The following ATXN2 variants were observed in gnomAD, a reference collection of about 807,000 sequenced individuals.
The protein encoded by ATXN2 is ataxin 2, also known as ataxin-2.
Under a neutral mutation model 138.6 loss-of-function variants are expected in ATXN2, and 37 were observed. The observed-to-expected ratio is 0.27, with a 90% confidence interval of 0.21 to 0.35. The LOEUF (loss-of-function observed/expected upper bound fraction) is 0.35, where lower values mean the gene tolerates loss of function less well. ATXN2 is among the 10% of genes least tolerant of loss of function. The pLI is 1.00. For missense variants in ATXN2, 1,216 were observed against 1,480.3 expected (o/e 0.82, Z 2.93); for synonymous variants, 549 against 543.7 (o/e 1.01, Z -0.13).
rs1053839039 is a variant in ATXN2 at position 111,538,993 on chromosome 12, T to C, written c.571+13287A>G. 5.3e-4 allele frequency among the ~76,000 whole-genome samples: 79 copies of C among 150,310 alleles called. 6 individuals carry two copies. The highest frequency in any genetic ancestry group is 3.4e-3 in the Middle Eastern group (1 of 290). Reference sequence around the variant, plus strand: ...GTGACAGATTCCACGTACGTAATACTAGATTGCTGATTCCCACACTATCTC... The same window carrying C: ...GTGACAGATTCCACGTACGTAATACCAGATTGCTGATTCCCACACTATCTC... On this transcript the variant is annotated intron_variant, in intron 5 of 24. Transcript: ENST00000673436.
intron 21 of ATXN2, among the ~76,000 whole-genome samples, chr12:111,460,170 C>T (rs1875462671): frequency 6.6e-6 from 1 of 152,182 alleles, no homozygotes; most frequent in South Asian, 2.1e-4. Flanking sequence ...CAACCTCTGC[C>T]TCCCGGGTTC....
chr12:111,470,537 G>A, intron 19 of ATXN2, 21 bp downstream of exon 19: 1 of 1,611,254 alleles, frequency 6.2e-7, no homozygotes, highest in Middle Eastern at 1.7e-4. Flanking sequence ...AAAATTAAGA[G>A]TTAGGCCTTA....
At chr12:111,584,109 C>T (rs951520853) in intron 1 of ATXN2, among the ~76,000 whole-genome samples, 11 of 151,746 alleles carry the variant, frequency 7.2e-5, no homozygotes, top group Non-Finnish European at 1.3e-4. Flanking sequence ...TGGCTAGGCA[C>T]GGTGGCTCAT....
At chr12:111,471,875 C>T in intron 18 of ATXN2, 1 of 152,040 alleles carries the variant, frequency 6.6e-6, no homozygotes, top group African/African-American at 2.4e-5. Context: ...TATTACCTTC[C>T]TGTATATTTA....
At chr12:111,517,611 A>C (rs1879927459) in intron 9 of ATXN2, among the ~76,000 whole-genome samples, 1 of 152,152 alleles carries the variant, frequency 6.6e-6, no homozygotes, top group South Asian at 2.1e-4. Flanking sequence ...TATTCAACCT[A>C]GATTTAGAGG....
rs1307623991 is a variant in ATXN2, at chr12:111,552,070, G to A, written c.571+210C>T. Among the ~76,000 whole-genome samples, 3 of 151,990 alleles carry A rather than the reference G, an allele frequency of 2.0e-5. No individual in the cohort carries two copies. The highest frequency in any genetic ancestry group is 7.3e-5 in the African/African-American group (3 of 41,350). On this transcript the variant is annotated intron_variant, in intron 5 of 24. Coordinates refer to ENST00000673436, the MANE Select transcript of ATXN2 (RefSeq NM_001372574.1). This position sits in a 1 kb window ranked among gnomAD's most constrained non-coding sequence, Gnocchi z 4.1. The stretch of plus-strand genomic sequence containing the variant: ...AAATTTTTGTATTTTTAGTAGAGAC[G>A]GGGTTTCGCCATGTTGGCCAGGCTG...
chr12:111,547,410 G>C (rs1405959816), intron 5 of ATXN2, among the ~76,000 whole-genome samples: 1 of 149,544 alleles, frequency 6.7e-6, no homozygotes, highest in Non-Finnish European at 1.5e-5. Context: ...CTGGGTGACA[G>C]AGCGAGACTC....
chr12:111,503,930 T>C (rs537374710), intron 14 of ATXN2, among the ~76,000 whole-genome samples: 1 of 152,312 alleles, frequency 6.6e-6, no homozygotes, highest in East Asian at 1.9e-4. Context: ...CTTCCTGGTA[T>C]GCCCCTATGG....
At chr12:111,551,767 CTATT>C (rs1360874638) in intron 5 of ATXN2, among the ~76,000 whole-genome samples, 1 of 152,176 alleles carries the variant, frequency 6.6e-6, no homozygotes, top group Non-Finnish European at 1.5e-5. Context: ...CACAAAAACT[CTATT>C]TAATTTTTCT....
intron 5 of ATXN2, among the ~76,000 whole-genome samples, chr12:111,528,806 C>G (rs1330448754): frequency 6.6e-6 from 1 of 152,098 alleles, no homozygotes; most frequent in Non-Finnish European, 1.5e-5. Context: ...AAATCCCTGG[C>G]TATAAGTAAT....
At chr12:111,539,470 G>A (rs1218852188) in intron 5 of ATXN2, among the ~76,000 whole-genome samples, 1 of 150,254 alleles carries the variant, frequency 6.7e-6, no homozygotes, top group Non-Finnish European at 1.5e-5. Context: ...AAAGAAGGCC[G>A]GGTGCGATGG....
chr12:111,599,454 C>A, upstream of ATXN2: 1 of 1,204,462 alleles, frequency 8.3e-7, no homozygotes, highest in South Asian at 3.8e-5. Flanking sequence ...CTGGCTGCGG[C>A]GAAGCGGCGA....
At chr12:111,581,064 A>T (rs561235588) in intron 1 of ATXN2, among the ~76,000 whole-genome samples, 1 of 145,004 alleles carries the variant, frequency 6.9e-6, no homozygotes, top group Non-Finnish European at 1.5e-5. Context: ...TGAACCCAGG[A>T]GGTGGAGGTT....
chr12:111,484,390 T>G (rs948167997), intron 18 of ATXN2, among the ~76,000 whole-genome samples: 5 of 151,894 alleles, frequency 3.3e-5, no homozygotes, highest in Middle Eastern at 3.2e-3. Context: ...ATGGAGCCAC[T>G]GTGTCCAGCC....
In ATXN2 at chr12:111,510,598, A is replaced by C; in HGVS notation, c.1559-16T>G. On this transcript the variant is annotated splice_polypyrimidine_tract_variant and intron_variant, in intron 11 of 24. Coordinates refer to ENST00000673436, the MANE Select transcript of ATXN2 (RefSeq NM_001372574.1). Reference sequence around the variant, plus strand: ...AATCTTGGAACTAGAAGAAAGGGAAAATGTATTTATTACATTCTCAGTTCA... The same window carrying C: ...AATCTTGGAACTAGAAGAAAGGGAACATGTATTTATTACATTCTCAGTTCA... The C allele has an allele frequency of 1.3e-6, 2 of 1,583,664 alleles. No homozygotes were observed. Among genetic ancestry groups the C allele is most frequent in the Non-Finnish European group, 1.7e-6 (2 of 1,158,470 alleles).
intron 14 of ATXN2, among the ~76,000 whole-genome samples, chr12:111,494,091 G>A (rs1306642386): frequency 6.6e-6 from 1 of 151,672 alleles, no homozygotes; most frequent in Non-Finnish European, 1.5e-5. Flanking sequence ...CACCATGTCC[G>A]GCTAATTTTT....
chr12:111,520,063 T>C lies in ATXN2; in HGVS notation c.802A>G (p.Arg268Gly), dbSNP rs150466029. Residue 268 changes from arginine to glycine, a missense_variant, in exon 8 of 25, where the codon AGA becomes GGA. Physicochemically the swap from Arg to Gly is moderately radical, Grantham distance 125. This residue lies in a region of ATXN2 where 401 missense variants were observed against 528.1 expected (regional missense o/e 0.76). Coordinates refer to ENST00000673436, the MANE Select transcript of ATXN2 (RefSeq NM_001372574.1). ...TTTAAAAATTCTTCTGAGTTATCTC[T>C]TTCTAAGGGCACTCTGAAACATGAG... ...SLSSYTVPLERDNSEEFLKRE... is the reference protein window; with the variant it reads ...SLSSYTVPLEGDNSEEFLKRE... 5 of 1,613,736 alleles carry C rather than the reference T, an allele frequency of 3.1e-6. No homozygotes were observed. The African/African-American group carries it at 4.0e-5, about 13-fold the overall frequency.
At chr12:111,572,714 A>C (rs567557856) in intron 1 of ATXN2, among the ~76,000 whole-genome samples, 7 of 152,326 alleles carry the variant, frequency 4.6e-5, no homozygotes, top group African/African-American at 1.4e-4. Flanking sequence ...TTATTCTCTC[A>C]ACTATTATAT....
intron 5 of ATXN2, 41 bp from the exon 6 acceptor site, chr12:111,525,357 C>A: frequency 1.3e-6 from 2 of 1,507,276 alleles, no homozygotes; most frequent in South Asian, 2.7e-5. Flanking sequence ...TATAATCTGG[C>A]AATCAGTTAC....
Sources: gnomAD v4.1 joint callset for allele counts (sites outside exome capture counted in the v4.1 genomes callset) on GRCh38, gnomAD v4.1.1 for gene constraint, gnomAD v4.1.1 regional missense constraint, Gnocchi (gnomAD v3.1) non-coding constraint, MANE v1.5 for transcripts, NCBI Gene and HGNC (gene_info 2026-07-23, HGNC 2026-07-21) for gene names.